Variants in PHF21B observed in about 807,000 individuals in gnomAD.
The protein encoded by PHF21B is PHD finger protein 21B.
Under a neutral mutation model 62.2 loss-of-function variants are expected in PHF21B, and 22 were observed. That is an observed-to-expected ratio of 0.35 (90% CI 0.25 to 0.51). The LOEUF is 0.51. Among genes scored for constraint, PHF21B ranks in the 20% least tolerant of loss-of-function variants. The pLI is 0.97. For missense variants in PHF21B, 701 were observed against 707.9 expected, an observed-to-expected ratio of 0.99 and a Z score of 0.11; for synonymous variants, 341 against 314.7, an observed-to-expected ratio of 1.08 and a Z score of -0.88.
In PHF21B at chr22:44,889,662, C is replaced by T. The variant is rs986175203; in HGVS notation, c.1038+98G>A. ...GAACCGAAAGGCCTTCTGCACCACT[C>T]CGGGCTCTTTCCCTCTTTCCAGGAG... On this transcript the variant is annotated intron_variant, in intron 9 of 12. Transcript: ENST00000313237. 2.8e-6 allele frequency: 4 copies of T among 1,438,540 alleles called. No individual in the cohort carries two copies. In the Admixed American group the frequency reaches 9.6e-5, roughly 35 times the overall value. The allele number at this position is 1,438,540 out of a possible 1,614,324, so 89.1% of individuals were successfully genotyped here. A position where few individuals can be genotyped will look rare whatever the true frequency, so the allele number is the denominator to read the frequency against.
intron 2 of PHF21B, among the ~76,000 whole-genome samples, chr22:44,955,750 C>T (rs973284306): frequency 5.3e-5 from 8 of 152,266 alleles, no homozygotes; most frequent in Admixed American, 6.5e-5. Flanking sequence ...TGGTGGATCA[C>T]GGGACTTCTC....
Position 45,008,589 on chromosome 22 carries a change from G to A in PHF21B, c.76C>T (p.Leu26Phe), listed in dbSNP as rs1741190386. Residue 26 changes from leucine (L) to phenylalanine (F), a missense_variant, in exon 2 of 13, where the codon CTC becomes TTC. Leu to Phe is a conservative substitution (Grantham distance 22, BLOSUM62 0). Transcript: ENST00000313237. ...RHQNGDLKKQ[L>F]HERQPRIAAL... ...GCGATCCGCGGCTGCCTTTCGTGGA[G>A]CTGCTTCTTGAGGTCGCCGTTCTGC... 6.3e-7 allele frequency: 1 copy of A among 1,590,390 alleles called. No individual in the cohort carries two copies. The highest frequency in any genetic ancestry group is 8.6e-7 in the Non-Finnish European group (1 of 1,169,190).
At position 44,939,792 on chromosome 22, in the gene PHF21B, T is replaced by C. The variant is rs1207186591; in HGVS notation, c.121-19302A>G. Among the ~76,000 whole-genome samples the C allele has an allele frequency of 4.6e-5, 7 of 152,062 alleles. No homozygotes were observed. The East Asian group carries it at 1.2e-3, about 25-fold the overall frequency. On this transcript the variant is annotated intron_variant, in intron 2 of 12. Transcript: ENST00000313237. The stretch of plus-strand genomic sequence containing the variant: ...TGAGGAAGAGGGAGACGGGTAGAGA[T>C]GGGAGCCCAGCAGTCCAGGAGCTGC...
chr22:44,978,635 AG>A (rs2072782227), intron 2 of PHF21B, among the ~76,000 whole-genome samples: 1 of 152,242 alleles, frequency 6.6e-6, no homozygotes, highest in African/African-American at 2.4e-5. Flanking sequence ...CTGGGATTAC[AG>A]GCGTGAGCCA....
intron 2 of PHF21B, among the ~76,000 whole-genome samples, chr22:44,964,137 G>A (rs145578253): frequency 7.2e-4 from 109 of 152,328 alleles, no homozygotes; most frequent in African/African-American, 2.4e-3. Flanking sequence ...TGAAACAGAT[G>A]AATATCTGTA....
intron 2 of PHF21B, among the ~76,000 whole-genome samples, chr22:44,991,220 G>A (rs1317258167): frequency 6.6e-6 from 1 of 152,156 alleles, no homozygotes; most frequent in African/African-American, 2.4e-5. Context: ...TCCTTGAGAA[G>A]GCAAAAAAGC....
Position 44,883,062 on chromosome 22 carries a change from G to T in PHF21B, c.*24C>A, listed in dbSNP as rs745825547. 1 of 1,587,344 alleles carries T rather than the reference G, an allele frequency of 6.3e-7. No homozygotes were observed. Among genetic ancestry groups the T allele is most frequent in the South Asian group, 1.1e-5 (1 of 88,898 alleles). ...AGCAGGGTCCCAATAACTTTCCGTG[G>T]GTATGAAGACTGGTCCCTCGGGGTC... is the stretch of plus-strand genomic sequence containing the variant. On this transcript the variant is annotated 3_prime_UTR_variant, in exon 13 of 13. Transcript: ENST00000313237.
chr22:44,925,199 G>C (rs771402384), intron 2 of PHF21B, among the ~76,000 whole-genome samples: 1 of 152,216 alleles, frequency 6.6e-6, no homozygotes, highest in African/African-American at 2.4e-5. Context: ...CAGGGAGAAA[G>C]ATGTGTTCAC....
At chr22:44,910,189 G>A (rs139700357) in intron 5 of PHF21B, among the ~76,000 whole-genome samples, 44 of 152,324 alleles carry the variant, frequency 2.9e-4, no homozygotes, top group Non-Finnish European at 5.0e-4. Context: ...GGTCCAGGGC[G>A]GGGTGCTGCA....
chr22:44,937,796 T>G (rs1448933990), intron 2 of PHF21B, among the ~76,000 whole-genome samples: 2 of 152,098 alleles, frequency 1.3e-5, no homozygotes, highest in Admixed American at 6.5e-5. Context: ...CGGAGGAGCC[T>G]CATAGCACTG....
intron 2 of PHF21B, among the ~76,000 whole-genome samples, chr22:44,994,768 C>T (rs1254351334): frequency 6.6e-6 from 1 of 152,228 alleles, no homozygotes; most frequent in African/African-American, 2.4e-5. Flanking sequence ...CCCCCACCCC[C>T]ACTTACATAC....
intron 2 of PHF21B, among the ~76,000 whole-genome samples, chr22:44,979,488 C>A (rs1053849086): frequency 6.6e-6 from 1 of 152,206 alleles, no homozygotes; most frequent in Non-Finnish European, 1.5e-5. Flanking sequence ...TCCTGCAGCC[C>A]CTGGAGGGCA....
intron 2 of PHF21B, among the ~76,000 whole-genome samples, chr22:44,978,302 A>G (rs2072775906): frequency 1.3e-5 from 2 of 152,108 alleles, no homozygotes; most frequent in African/African-American, 4.8e-5. Context: ...ATTCTCCTTC[A>G]GTGTTGGTAT....
intron 2 of PHF21B, among the ~76,000 whole-genome samples, chr22:45,003,908 TTAATA>T (rs1251207065): frequency 1.3e-5 from 2 of 152,170 alleles, no homozygotes; most frequent in African/African-American, 2.4e-5. Flanking sequence ...ATATATCTAT[TTAATA>T]TAAGTGGAAT....
Position 44,885,503 on chromosome 22 carries a change from G to A in PHF21B, c.1300C>T (p.Leu434=), listed in dbSNP as rs2070841412. ...TVKEEEKQKL[L]QRGSELQNEH... The stretch of plus-strand genomic sequence containing the variant: ...TTCTGCAGCTCACTGCCTCGTTGCA[G>A]CAGCTTCTGCTTCTCCTCTTCTTTG... The change falls in exon 12 of 13, where the codon CTG becomes TTG. Residue 434 remains leucine (L), a synonymous_variant. Transcript: ENST00000313237. 3 of 1,597,986 alleles carry A rather than the reference G, an allele frequency of 1.9e-6. No homozygotes were observed. Among genetic ancestry groups the A allele is most frequent in the Admixed American group, 1.7e-5 (1 of 57,706 alleles).
intron 5 of PHF21B, 100 bp downstream of exon 5, chr22:44,913,722 G>A (rs1287026257): frequency 1.4e-6 from 2 of 1,444,294 alleles, no homozygotes; most frequent in African/African-American, 2.8e-5. Context: ...CGGCTTGTCG[G>A]GACCACCCCA....
At chr22:44,893,028 C>T (rs1273932813) in intron 7 of PHF21B, among the ~76,000 whole-genome samples, 2 of 151,646 alleles carry the variant, frequency 1.3e-5, no homozygotes, top group Non-Finnish European at 2.9e-5. Context: ...CTTTACGGTG[C>T]CCGCCTGCTC....
At chr22:44,946,972 C>A (rs2072086417) in intron 2 of PHF21B, among the ~76,000 whole-genome samples, 5 of 152,324 alleles carry the variant, frequency 3.3e-5, no homozygotes, top group African/African-American at 7.2e-5. Flanking sequence ...AGCAGATGCT[C>A]CGTTTAAGGG....
intron 2 of PHF21B, among the ~76,000 whole-genome samples, chr22:44,930,965 G>C (rs574954353): frequency 6.6e-5 from 10 of 152,346 alleles, no homozygotes; most frequent in African/African-American, 2.2e-4. Context: ...CAGCTCCGGA[G>C]AGGTGAGCTA....
Sources: allele counts gnomAD v4.1 joint callset (sites outside exome capture counted in the v4.1 genomes callset), GRCh38; gene constraint gnomAD v4.1.1; transcripts MANE v1.5; gene names NCBI Gene and HGNC (gene_info 2026-07-23, HGNC 2026-07-21).